Variants in RNLS observed in about 807,000 individuals in gnomAD.
RNLS encodes the protein renalase.
RNLS carries 39 observed loss-of-function variants against 39.8 expected under a neutral mutation model. That is an observed-to-expected ratio of 0.98 (90% confidence interval 0.76 to 1.28). The LOEUF (loss-of-function observed/expected upper bound fraction) is 1.28. RNLS is among the 50% of genes most tolerant of loss of function. RNLS has a pLI of 0.00. For missense variants in RNLS, 410 were observed against 413.3 expected (o/e 0.99, Z 0.07); for synonymous variants, 147 against 150.7 (o/e 0.98, Z 0.18).
the RNLS span, among the ~76,000 whole-genome samples, chr10:88,256,557 G>A: frequency 2.0e-5 from 3 of 152,198 alleles, no homozygotes; most frequent in African/African-American, 7.2e-5. Context: ...TTTTTCATGC[G>A]GGGTCCGCCC....
At chr10:88,437,614 A>G (rs776739662) in intron 4 of RNLS, among the ~76,000 whole-genome samples, 3 of 152,188 alleles carry the variant, frequency 2.0e-5, no homozygotes, top group African/African-American at 4.8e-5. Flanking sequence ...CAAATAAAAC[A>G]TTGATTCCAT....
At chr10:88,360,392 A>G (rs1849542981) in intron 5 of RNLS, among the ~76,000 whole-genome samples, 1 of 152,150 alleles carries the variant, frequency 6.6e-6, no homozygotes, top group Non-Finnish European at 1.5e-5. Context: ...GGAGAAGTCT[A>G]TTAAAGGGCT....
At chr10:88,524,983 A>ATATG (rs1847021920) in intron 4 of RNLS, among the ~76,000 whole-genome samples, 1 of 134,226 alleles carries the variant, frequency 7.5e-6, no homozygotes, top group Non-Finnish European at 1.6e-5. Context: ...ATATATATAT[A>ATATG]TATATATATA....
intron 4 of RNLS, among the ~76,000 whole-genome samples, chr10:88,509,360 A>G (rs534811557): frequency 2.1e-4 from 32 of 152,068 alleles, no homozygotes; most frequent in African/African-American, 7.7e-4. Context: ...TGCATTCACA[A>G]TACGTAGCAT....
At chr10:88,186,288 G>A in the RNLS span, among the ~76,000 whole-genome samples, 69,138 of 151,922 alleles carry the variant, frequency 0.46, 16,218 homozygotes, top group South Asian at 0.6. Context: ...TAGCAGAATC[G>A]TCAGAGTAAA....
At chr10:88,512,050 C>T (rs368208186) in intron 4 of RNLS, among the ~76,000 whole-genome samples, 20 of 151,996 alleles carry the variant, frequency 1.3e-4, no homozygotes, top group African/African-American at 4.1e-4. Context: ...ATCAGTAACA[C>T]TATATTTAAA....
intron 4 of RNLS, among the ~76,000 whole-genome samples, chr10:88,518,261 T>C (rs1172730697): frequency 6.6e-6 from 1 of 151,900 alleles, no homozygotes; most frequent in Non-Finnish European, 1.5e-5. Flanking sequence ...GTAGCATGCA[T>C]ATGTATAATG....
At chr10:88,575,528 C>A (rs984677400) in intron 3 of RNLS, among the ~76,000 whole-genome samples, 4 of 151,906 alleles carry the variant, frequency 2.6e-5, no homozygotes, top group Non-Finnish European at 4.4e-5. Context: ...ACCCAAAAAG[C>A]AGCATTTATC....
chr10:88,505,716 A>G (rs1420826371), intron 4 of RNLS, among the ~76,000 whole-genome samples: 1 of 152,136 alleles, frequency 6.6e-6, no homozygotes, highest in Non-Finnish European at 1.5e-5. Context: ...TCCCACAGAT[A>G]ACTCATTAAT....
intron 4 of RNLS, among the ~76,000 whole-genome samples, chr10:88,517,026 A>G (rs1846440063): frequency 6.6e-6 from 1 of 152,014 alleles, no homozygotes; most frequent in Non-Finnish European, 1.5e-5. Context: ...ATTATATTCT[A>G]TCTATATTAT....
At chr10:88,317,528 T>C (rs1845850127) in intron 5 of RNLS, among the ~76,000 whole-genome samples, 1 of 152,232 alleles carries the variant, frequency 6.6e-6, no homozygotes, top group Admixed American at 6.5e-5. Flanking sequence ...AGACTATTCC[T>C]GGGTATAGGC....
At chr10:88,439,597 G>T (rs187535268) in intron 4 of RNLS, among the ~76,000 whole-genome samples, 1 of 152,288 alleles carries the variant, frequency 6.6e-6, no homozygotes, top group East Asian at 1.9e-4. Context: ...TATAGCATTG[G>T]CATCTCTTGA....
At chr10:88,438,859 AAT>A (rs1011808786) in intron 4 of RNLS, among the ~76,000 whole-genome samples, 1 of 152,086 alleles carries the variant, frequency 6.6e-6, no homozygotes, top group South Asian at 2.1e-4. Flanking sequence ...GGCTGCACTT[AAT>A]ATATATATCC....
intron 5 of RNLS, among the ~76,000 whole-genome samples, chr10:88,360,960 C>A (rs1164239437): frequency 2.6e-5 from 4 of 152,198 alleles, no homozygotes; most frequent in Non-Finnish European, 4.4e-5. Flanking sequence ...GCTACCATAA[C>A]AAAATACCAT....
Position 88,304,114 on chromosome 10 carries a change from T to G in RNLS, c.876+10352A>C, listed in dbSNP as rs192560773. Reference sequence around the variant, plus strand: ...TTGGCCCCCTACAGTCTTTCAGAAATGAAGCCAGTTGGTTTAATCAACCTT... The same window carrying G: ...TTGGCCCCCTACAGTCTTTCAGAAAGGAAGCCAGTTGGTTTAATCAACCTT... On this transcript the variant is annotated intron_variant, in intron 6 of 6. Transcript: ENST00000331772. Among the ~76,000 whole-genome samples, 207 of 152,288 alleles carry G rather than the reference T, an allele frequency of 1.4e-3. 1 individual carries two copies. Among genetic ancestry groups the G allele is most frequent in the African/African-American group, 4.7e-3 (197 of 41,556 alleles).
At position 88,511,978 on chromosome 10, in the gene RNLS, TTTAAG is replaced by T. The variant is rs376482141; in HGVS notation, c.526+60920_526+60924del. Among the ~76,000 whole-genome samples, 94 of 152,294 alleles carry T rather than the reference TTTAAG, an allele frequency of 6.2e-4. 1 individual carries two copies. Among genetic ancestry groups the T allele is most frequent in the African/African-American group, 2.1e-3 (86 of 41,576 alleles). ...TTTAAACAAACTGCTATTGTGGATA[TTTAAG>T]TTGTTTCCAATTTTTTACTTTTATA... On this transcript the variant is annotated intron_variant, in intron 4 of 6. Transcript: ENST00000331772.
the RNLS span, among the ~76,000 whole-genome samples, chr10:88,217,765 C>T: frequency 8.8e-5 from 7 of 79,862 alleles, no homozygotes; most frequent in African/African-American, 2.4e-4. Flanking sequence ...GAGGGCTGGG[C>T]GCAGTGGCTC....
chr10:88,411,870 C>A (rs546151881), intron 4 of RNLS, among the ~76,000 whole-genome samples: 2 of 152,116 alleles, frequency 1.3e-5, no homozygotes, highest in Admixed American at 1.3e-4. Flanking sequence ...CCAAGTAGAA[C>A]ATGAGTCACA....
chr10:88,280,720 G>A (rs1000577545), downstream of RNLS, among the ~76,000 whole-genome samples: 1 of 152,148 alleles, frequency 6.6e-6, no homozygotes, highest in Non-Finnish European at 1.5e-5. Flanking sequence ...ACAAAAACAA[G>A]CAGCTGGTCA....
Sources: gnomAD v4.1 joint callset for allele counts (sites outside exome capture counted in the v4.1 genomes callset) on GRCh38, gnomAD v4.1.1 for gene constraint, MANE v1.5 for transcripts, NCBI Gene and HGNC (gene_info 2026-07-23, HGNC 2026-07-21) for gene names.